Variants in GGCX observed in about 807,000 individuals in gnomAD.
GGCX encodes the protein vitamin K-dependent gamma-carboxylase.
GGCX carries 63 observed loss-of-function variants against 88.5 expected under a neutral mutation model. That is an observed-to-expected ratio of 0.71 (90% CI 0.58 to 0.88). The LOEUF is 0.88. GGCX is among the 40% of genes least tolerant of loss of function. The pLI, the probability that GGCX is intolerant of heterozygous loss-of-function variation, is 0.00. For synonymous variants in GGCX, 368 were observed against 365.8 expected (o/e 1.01, Z -0.07); for missense variants, 805 against 932.9 (o/e 0.86, Z 1.79).
In GGCX at chr2:85,547,607, A is replaced by T. The variant is rs1691740076; in HGVS notation, c.*2327T>A. 6.6e-6 allele frequency: 1 copy of T among 152,230 alleles called. No individual in the cohort carries two copies. The highest frequency in any genetic ancestry group is 1.5e-5 in the Non-Finnish European group (1 of 68,040). The allele number at this position is 152,230 out of a possible 1,614,324, so 9.4% of individuals were successfully genotyped here. The stretch of plus-strand genomic sequence containing the variant: ...AGTAGGTACAGTGAGTTTGGCAAAC[A>T]ACATAGTGGCAAAGTATCTTCTATT... On this transcript the variant is annotated 3_prime_UTR_variant, in exon 15 of 15. Transcript: ENST00000233838.
In GGCX at chr2:85,560,892, G is replaced by T; in HGVS notation, c.137C>A (p.Ser46Tyr). Residue 46 changes from serine to tyrosine, a missense_variant, in exon 2 of 15, where the codon TCC (serine) becomes TAC (tyrosine). Around this residue, in one of 3 missense-constraint regions of GGCX, gnomAD observed 64 missense variants for 57.4 expected, o/e 1.12. Coordinates refer to ENST00000233838, the MANE Select transcript of GGCX (RefSeq NM_000821.7). Reference protein sequence around the residue: ...KLLGFEWTDLSSWRRLVTLLN... With the variant: ...KLLGFEWTDLYSWRRLVTLLN... Reference sequence around the variant, plus strand: ...CAGGGTCACCAGCCTCCGCCAACTGGACAAATCTGTCCACTCAAAACCCAA... The same window carrying T: ...CAGGGTCACCAGCCTCCGCCAACTGTACAAATCTGTCCACTCAAAACCCAA... 6.2e-7 allele frequency: 1 copy of T among 1,613,836 alleles called. No individual in the cohort carries two copies. The highest frequency in any genetic ancestry group is 2.2e-5 in the East Asian group (1 of 44,888).
At position 85,549,447 on chromosome 2, in the gene GGCX, C is replaced by T. The variant is rs1691823440; in HGVS notation, c.*487G>A. The T allele has an allele frequency of 5.8e-6, 1 of 172,928 alleles. No homozygotes were observed. The highest frequency in any genetic ancestry group is 1.2e-4 in the South Asian group (1 of 8,370). The allele number at this position is 172,928 out of a possible 1,614,324, so 10.7% of individuals were successfully genotyped here. ...CTCGATCTCGGCTCACTGCAACCTC[C>T]ACCTCCTGGGCCCAAGCGATTCTCA... On this transcript the variant is annotated 3_prime_UTR_variant, in exon 15 of 15. Coordinates refer to ENST00000233838, the MANE Select transcript of GGCX (RefSeq NM_000821.7).
Position 85,555,577 on chromosome 2 carries a change from T to C in GGCX, c.632A>G (p.Tyr211Cys), listed in dbSNP as rs139600504. 1.9e-6 allele frequency: 3 copies of C among 1,563,390 alleles called. No individual in the cohort carries two copies. Among genetic ancestry groups the C allele is most frequent in the Non-Finnish European group, 2.6e-6 (3 of 1,133,796 alleles). Reference protein sequence around the residue: ...AVLRGQIFIVYFIAGVKKLDA... With the variant: ...AVLRGQIFIVCFIAGVKKLDA... Reference sequence around the variant, plus strand: ...CAGCTTTTTCACACCCGCAATGAAGTACACAATGAAGATCTGAAAATAAAA... The same window carrying C: ...CAGCTTTTTCACACCCGCAATGAAGCACACAATGAAGATCTGAAAATAAAA... The change falls in exon 6 of 15, where the codon TAC becomes TGC. Residue 211 changes from tyrosine to cysteine, a missense_variant. Around this residue, in one of 3 missense-constraint regions of GGCX, gnomAD observed 680 missense variants for 763.7 expected, o/e 0.89. Coordinates refer to ENST00000233838, the MANE Select transcript of GGCX (RefSeq NM_000821.7).
Position 85,560,896 on chromosome 2 carries a change from A to G in GGCX, c.133T>C (p.Leu45=). Reference sequence around the variant, plus strand: ...GTCACCAGCCTCCGCCAACTGGACAAATCTGTCCACTCAAAACCCAAGAGT... The same window carrying G: ...GTCACCAGCCTCCGCCAACTGGACAGATCTGTCCACTCAAAACCCAAGAGT... ...GKLLGFEWTD[L]SSWRRLVTLL... The change falls in exon 2 of 15, where the codon TTG becomes CTG. Residue 45 remains leucine, a synonymous_variant. Coordinates refer to ENST00000233838, the MANE Select transcript of GGCX (RefSeq NM_000821.7). 1 of 1,612,502 alleles carries G rather than the reference A, an allele frequency of 6.2e-7. No individual in the cohort carries two copies. The highest frequency in any genetic ancestry group is 8.5e-7 in the Non-Finnish European group (1 of 1,178,476).
chr2:85,552,290 C>G, intron 10 of GGCX, 126 bp downstream of exon 10: 7 of 961,914 alleles, frequency 7.3e-6, no homozygotes, highest in Non-Finnish European at 5.0e-6. Context: ...ACAACCAGAT[C>G]AAGGGGGACA....
chr2:85,558,586 C>A lies in GGCX; in HGVS notation c.393G>T (p.Leu131=), dbSNP rs1447869906. 1.2e-6 allele frequency: 2 copies of A among 1,613,298 alleles called. No individual in the cohort carries two copies. The highest frequency in any genetic ancestry group is 1.7e-6 in the Non-Finnish European group (2 of 1,179,264). The change falls in exon 4 of 15, where the codon CTG becomes CTT. Residue 131 remains leucine (L), a synonymous_variant. Transcript: ENST00000233838. ...IMFLGALGMM[L]GLCYRISCVL... is the part of the protein sequence containing the mutation. ...CACAGCTTATCCGGTAGCACAGGCC[C>A]AGCATCATGCCCAGTGCCCCTGGGA...
rs1692365177 is a variant in GGCX, at chr2:85,560,075, C to A, written c.214+740G>T. 2.0e-5 allele frequency among the ~76,000 whole-genome samples: 3 copies of A among 152,302 alleles called. No individual in the cohort carries two copies. In the South Asian group the frequency reaches 6.2e-4, roughly 32 times the overall value. ...TGTCTCCCAGGGAGCAAAACTCCCT[C>A]CAGTTGAGAACTACTGGGCTAAGGG... On this transcript the variant is annotated intron_variant, in intron 2 of 14. Transcript: ENST00000233838.
In GGCX at chr2:85,547,063, A is replaced by G. The variant is rs1280681447; in HGVS notation, c.*2871T>C. Reference sequence around the variant, plus strand: ...AGTGTTGTCCTGCCCAGCCTAGGGGAAAAGTATCCTGAAGGTTAATAAGGT... The same window carrying G: ...AGTGTTGTCCTGCCCAGCCTAGGGGGAAAGTATCCTGAAGGTTAATAAGGT... On this transcript the variant is annotated 3_prime_UTR_variant, in exon 15 of 15. Transcript: ENST00000233838. 1 of 152,228 alleles carries G rather than the reference A, an allele frequency of 6.6e-6. No individual in the cohort carries two copies. 9.4% of individuals were successfully genotyped at this position (152,228 alleles called of 1,614,324 possible). A position where few individuals can be genotyped will look rare whatever the true frequency, so the allele number is the denominator to read the frequency against.
At position 85,552,537 on chromosome 2, in the gene GGCX, G is replaced by A; in HGVS notation, c.1318C>T (p.His440Tyr). The stretch of plus-strand genomic sequence containing the variant: ...GCATATTGCTTCAGCATGTCTGCAT[G>A]ATCCTTCCATCGCCGACTCTGTGTA... Reference protein sequence around the residue: ...VFTQSRRWKDHADMLKQYATC... With the variant: ...VFTQSRRWKDYADMLKQYATC... The change falls in exon 10 of 15, where the codon CAT becomes TAT. Residue 440 changes from histidine to tyrosine, a missense_variant. This residue lies in a region of GGCX where 680 missense variants were observed against 763.7 expected (regional missense o/e 0.89). Coordinates refer to ENST00000233838, the MANE Select transcript of GGCX (RefSeq NM_000821.7). The A allele has an allele frequency of 3.1e-6, 5 of 1,613,880 alleles. No individual in the cohort carries two copies. Among genetic ancestry groups the A allele is most frequent in the Non-Finnish European group, 3.4e-6 (4 of 1,179,930 alleles).
chr2:85,558,538 C>G lies in GGCX; in HGVS notation c.441G>C (p.Trp147Cys). ...ATGTCTTGTCCAGGAGAAACACATA[C>G]CAGTATGGCAGCAGGAATAACACAC... ...ISCVLFLLPY[W>C]YVFLLDKTSW... The change falls in exon 4 of 15, where the codon TGG becomes TGC. Residue 147 changes from tryptophan to cysteine, a missense_variant. Physicochemically the swap from Trp to Cys is radical, Grantham distance 215. Transcript: ENST00000233838. The G allele has an allele frequency of 6.2e-7, 1 of 1,612,892 alleles. No individual in the cohort carries two copies. The highest frequency in any genetic ancestry group is 8.5e-7 in the Non-Finnish European group (1 of 1,178,924).
In GGCX at chr2:85,553,057, CA is replaced by C. The variant is rs762578582; in HGVS notation, c.1168del (p.Trp390GlyfsTer12). On this transcript the variant is annotated frameshift_variant, in exon 9 of 15. Coordinates refer to ENST00000233838, the MANE Select transcript of GGCX (RefSeq NM_000821.7). LOFTEE classifies it high-confidence loss of function. Reference sequence around the variant, plus strand: ...GGAATAGCCATACAGCCCATTTGTCCAGTTGTTATAGCCCTGGGAAGGCAGC... The same window carrying C: ...GGAATAGCCATACAGCCCATTTGTCCGTTGTTATAGCCCTGGGAAGGCAGC... ...SHFLTQGYNN[W>X]TNGLYGYSWD... 2.5e-6 allele frequency: 4 copies of C among 1,614,200 alleles called. No homozygotes were observed. The East Asian group carries it at 8.9e-5, about 36-fold the overall frequency.
chr2:85,554,422 T>C, intron 6 of GGCX, 116 bp from the exon 7 acceptor site: 1 of 867,678 alleles, frequency 1.2e-6, no homozygotes, highest in Non-Finnish European at 2.0e-6. Context: ...CTAAGGTACA[T>C]AATCCACCCA....
rs560283187 is a variant in GGCX at position 85,546,646 on chromosome 2, G to C, written c.*3288C>G. Reference sequence around the variant, plus strand: ...TTGAACCCAGGAGGCAGAGGTTGCAGTGAGCCGAGATGGCGCCATTGCACT... The same window carrying C: ...TTGAACCCAGGAGGCAGAGGTTGCACTGAGCCGAGATGGCGCCATTGCACT... On this transcript the variant is annotated 3_prime_UTR_variant, in exon 15 of 15. Coordinates refer to ENST00000233838, the MANE Select transcript of GGCX (RefSeq NM_000821.7). 6.6e-6 allele frequency: 1 copy of C among 152,486 alleles called. No individual in the cohort carries two copies. The highest frequency in any genetic ancestry group is 1.5e-5 in the Non-Finnish European group (1 of 68,136). 9.4% of individuals were successfully genotyped at this position (152,486 alleles called of 1,614,324 possible). A position where few individuals can be genotyped will look rare whatever the true frequency, so the allele number is the denominator to read the frequency against.
chr2:85,549,486 T>A lies in GGCX; in HGVS notation c.*448A>T. ...AAGCGATTCTCATGCCTCAGCCTCC[T>A]GGGTAGTTGGATTACAGGCACCCAC... On this transcript the variant is annotated 3_prime_UTR_variant, in exon 15 of 15. Transcript: ENST00000233838. 1 of 198,904 alleles carries A rather than the reference T, an allele frequency of 5.0e-6. No individual in the cohort carries two copies. The highest frequency in any genetic ancestry group is 1.0e-5 in the Non-Finnish European group (1 of 96,022). 12.3% of individuals were successfully genotyped at this position (198,904 alleles called of 1,614,324 possible).
In GGCX at chr2:85,553,398, A is replaced by G. The variant is rs1390089507; in HGVS notation, c.989T>C (p.Leu330Pro). The G allele has an allele frequency of 4.3e-6, 7 of 1,614,186 alleles. No individual in the cohort carries two copies. The highest frequency in any genetic ancestry group is 5.9e-6 in the Non-Finnish European group (7 of 1,180,014). The change falls in exon 8 of 15, where the codon CTG becomes CCG. Residue 330 changes from leucine (L) to proline (P), a missense_variant. Transcript: ENST00000233838. Reference sequence around the variant, plus strand: ...CTGAGGGGCTGCCTTGAGGGGCAACAGTTGTTGCAACCTTCGGGGGCAGTA... The same window carrying G: ...CTGAGGGGCTGCCTTGAGGGGCAACGGTTGTTGCAACCTTCGGGGGCAGTA... ...VSYCPRRLQQ[L>P]LPLKAAPQPS... is the part of the protein sequence containing the mutation.
intron 2 of GGCX, 128 bp downstream of exon 2, chr2:85,560,687 G>A: frequency 1.2e-6 from 1 of 819,130 alleles, no homozygotes; most frequent in South Asian, 1.4e-5. Context: ...ACTTCGCAAA[G>A]ACCTCTTCTT....
intron 2 of GGCX, among the ~76,000 whole-genome samples, chr2:85,560,429 A>C (rs948056295): frequency 1.3e-5 from 2 of 151,902 alleles, no homozygotes; most frequent in Non-Finnish European, 2.9e-5. Flanking sequence ...TCTACTAAAA[A>C]CACACATACA....
At position 85,552,743 on chromosome 2, in the gene GGCX, GA is replaced by G. The variant is rs1343865197; in HGVS notation, c.1288-177del. The stretch of plus-strand genomic sequence containing the variant: ...TGGGCTAGTGGTGCTTACTTTTCCT[GA>G]ATCTAATCTCAGTTCAAGGAAATGA... On this transcript the variant is annotated intron_variant, in intron 9 of 14. Coordinates refer to ENST00000233838, the MANE Select transcript of GGCX (RefSeq NM_000821.7). Among the ~76,000 whole-genome samples, 4 of 152,240 alleles carry G rather than the reference GA, an allele frequency of 2.6e-5. No homozygotes were observed. The East Asian group carries it at 5.8e-4, about 22-fold the overall frequency.
chr2:85,549,706 T>C lies in GGCX; in HGVS notation c.*228A>G. On this transcript the variant is annotated 3_prime_UTR_variant, in exon 15 of 15. Transcript: ENST00000233838. ...CTTATCCTAGGAGGACAGTTTCACATTGCGTCTAACCTCTTCCTGGCCTCT... is the reference window on the plus strand; with the variant it reads ...CTTATCCTAGGAGGACAGTTTCACACTGCGTCTAACCTCTTCCTGGCCTCT... The C allele has an allele frequency of 5.6e-6, 3 of 532,982 alleles. No individual in the cohort carries two copies. Among genetic ancestry groups the C allele is most frequent in the Non-Finnish European group, 3.3e-6 (1 of 298,720 alleles). The allele number at this position is 532,982 out of a possible 1,614,324, so 33.0% of individuals were successfully genotyped here.
Sources: gnomAD v4.1 joint callset for allele counts (sites outside exome capture counted in the v4.1 genomes callset) on GRCh38, gnomAD v4.1.1 for gene constraint, gnomAD v4.1.1 regional missense constraint, MANE v1.5 for transcripts, NCBI Gene and HGNC (gene_info 2026-07-23, HGNC 2026-07-21) for gene names.